The following ZNF446 variants were observed in gnomAD, a reference collection of about 807,000 sequenced individuals.
ZNF446 encodes the protein zinc finger protein with KRAB and SCAN domains 20.
A neutral mutation model predicts 34.0 loss-of-function variants in ZNF446; 42 were observed. That is an observed-to-expected ratio of 1.23 (90% CI 0.96 to 1.60). The LOEUF is 1.60. Among genes scored for constraint, ZNF446 ranks in the 40% most tolerant of loss-of-function variants. ZNF446 has a pLI of 0.00. For synonymous variants in ZNF446, 315 were observed against 251.0 expected (o/e 1.25, Z -2.41); for missense variants, 650 against 600.2 (o/e 1.08, Z -0.87).
rs1030737474 is a variant in ZNF446 at position 58,480,268 on chromosome 19, A to G, written c.895A>G (p.Thr299Ala). The G allele has an allele frequency of 1.3e-5, 21 of 1,577,554 alleles. No individual in the cohort carries two copies. The highest frequency in any genetic ancestry group is 1.6e-5 in the Non-Finnish European group (19 of 1,165,006). ...CTGGGAGGGCTTGTCTGGGGCTGCCACTCCTGCCCCCACTGTGCGCCCAGG... is the reference window on the plus strand; with the variant it reads ...CTGGGAGGGCTTGTCTGGGGCTGCCGCTCCTGCCCCCACTGTGCGCCCAGG... ...AAWEGLSGAA[T>A]PAPTVRPGTP... is the part of the protein sequence containing the mutation. Residue 299 changes from threonine to alanine, a missense_variant, in exon 7 of 7, where the codon ACT becomes GCT. Transcript: ENST00000594369. The surrounding 1 kb of genome is among the most constrained non-coding windows in gnomAD (Gnocchi z 7.2).
chr19:58,480,264 T>G lies in ZNF446; in HGVS notation c.891T>G (p.Ala297=). ...CAGCCTGGGAGGGCTTGTCTGGGGCTGCCACTCCTGCCCCCACTGTGCGCC... is the reference window on the plus strand; with the variant it reads ...CAGCCTGGGAGGGCTTGTCTGGGGCGGCCACTCCTGCCCCCACTGTGCGCC... ...GPAAWEGLSG[A]ATPAPTVRPG... is the part of the protein sequence containing the mutation. Residue 297 remains alanine, a synonymous_variant, in exon 7 of 7, where the codon GCT becomes GCG. Transcript: ENST00000594369. This position sits in a 1 kb window ranked among gnomAD's most constrained non-coding sequence, Gnocchi z 7.2. 1 of 1,577,978 alleles carries G rather than the reference T, an allele frequency of 6.3e-7. No homozygotes were observed. The highest frequency in any genetic ancestry group is 8.6e-7 in the Non-Finnish European group (1 of 1,165,276).
intron 1 of ZNF446, among the ~76,000 whole-genome samples, chr19:58,476,846 C>A (rs1256030380): frequency 3.3e-5 from 5 of 152,142 alleles, no homozygotes; most frequent in Non-Finnish European, 7.4e-5. Flanking sequence ...GGCTCCTCAG[C>A]CTGGCGCTGG....
In ZNF446 at chr19:58,478,146, C is replaced by G. The variant is rs775373065; in HGVS notation, c.592C>G (p.Pro198Ala). The G allele has an allele frequency of 4.3e-6, 7 of 1,613,968 alleles. No individual in the cohort carries two copies. The Admixed American group carries it at 8.3e-5, about 19-fold the overall frequency. The change falls in exon 4 of 7, where the codon CCA (proline) becomes GCA (alanine). Residue 198 changes from proline (P) to alanine (A), a missense_variant. Physicochemically the swap from Pro to Ala is conservative, Grantham distance 27. Coordinates refer to ENST00000594369, the MANE Select transcript of ZNF446 (RefSeq NM_017908.4). ...TGAGGGGAACCATGGACACCAAGAA[C>G]CAGCCTCCACATCCTTCCACCCACC... ...SPEGNHGHQE[P>A]ASTSFHPPRI...
At chr19:58,482,124 CT>C (rs2053144847), downstream of ZNF446, among the ~76,000 whole-genome samples, 1 of 152,164 alleles carries the variant, frequency 6.6e-6, no homozygotes, top group Admixed American at 6.5e-5. Context: ...ACTGGTTCCT[CT>C]TGAAGGCTCT....
chr19:58,479,290 T>C (rs1014616497), intron 4 of ZNF446, among the ~76,000 whole-genome samples: 5 of 152,088 alleles, frequency 3.3e-5, no homozygotes, highest in African/African-American at 1.2e-4. Flanking sequence ...GGATTATTTT[T>C]CCCAACCCAG....
chr19:58,482,196 T>C (rs990322216), downstream of ZNF446, among the ~76,000 whole-genome samples: 8 of 148,822 alleles, frequency 5.4e-5, no homozygotes, highest in African/African-American at 1.2e-4. Context: ...ACGTTCCCCC[T>C]TTTTTTTTTC....
downstream of ZNF446, among the ~76,000 whole-genome samples, chr19:58,484,142 G>A (rs114625744): frequency 4.6e-3 from 703 of 152,050 alleles, 11 homozygotes; most frequent in African/African-American, 0.016. Context: ...GCTAATACTA[G>A]AGTGTTGGCA....
At position 58,480,664 on chromosome 19, in the gene ZNF446, G is replaced by A. The variant is rs757566390; in HGVS notation, c.1291G>A (p.Ala431Thr). 39 of 1,610,794 alleles carry A rather than the reference G, an allele frequency of 2.4e-5. No homozygotes were observed. The highest frequency in any genetic ancestry group is 2.8e-5 in the Non-Finnish European group (33 of 1,179,638). Reference protein sequence around the residue: ...RRHFCSDCGRAFDWKSQLVIH... With the variant: ...RRHFCSDCGRTFDWKSQLVIH... ...TCACTTCTGCAGTGACTGTGGCCGC[G>A]CCTTCGACTGGAAGTCGCAGCTGGT... The change falls in exon 7 of 7, where the codon GCC (alanine) becomes ACC (threonine). Residue 431 changes from alanine (A) to threonine (T), a missense_variant. By Grantham distance (58) the Ala-to-Thr change is moderately conservative (BLOSUM62 0). Coordinates refer to ENST00000594369, the MANE Select transcript of ZNF446 (RefSeq NM_017908.4). This position sits in a 1 kb window ranked among gnomAD's most constrained non-coding sequence, Gnocchi z 7.2.
the ZNF446 span, among the ~76,000 whole-genome samples, chr19:58,486,896 G>A: frequency 2.6e-5 from 4 of 151,796 alleles, no homozygotes; most frequent in South Asian, 2.1e-4. Context: ...TCCGCCTCCT[G>A]GGTTCACGCC....
Position 58,477,565 on chromosome 19 carries a change from G to T in ZNF446, c.342+5G>T. 1 of 1,612,398 alleles carries T rather than the reference G, an allele frequency of 6.2e-7. No homozygotes were observed. The highest frequency in any genetic ancestry group is 1.3e-5 in the African/African-American group (1 of 75,052). On this transcript the variant is annotated splice_donor_5th_base_variant and intron_variant, in intron 2 of 6. Transcript: ENST00000594369. The stretch of plus-strand genomic sequence containing the variant: ...CCTGGGCAACTGTTGGGCTGGGTGA[G>T]TGTGGCTGGCATCAGCTTCTTGGAG...
Position 58,479,978 on chromosome 19 carries a change from T to G in ZNF446, c.761T>G (p.Met254Arg). The G allele has an allele frequency of 6.3e-7, 1 of 1,591,552 alleles. No individual in the cohort carries two copies. The highest frequency in any genetic ancestry group is 1.1e-5 in the South Asian group (1 of 87,766). The change falls in exon 6 of 7, where the codon ATG (methionine) becomes AGG (arginine). Residue 254 changes from methionine (M) to arginine (R), a missense_variant. Physicochemically the swap from Met to Arg is moderately conservative, Grantham distance 91 (BLOSUM62 -1). Transcript: ENST00000594369. The part of the protein sequence containing the change: ...PEAQAQSELG[M>R]LLTGTGVCRS... ...GCACAGGCCCAGTCAGAGCTGGGGA[T>G]GCTGCTCACGGGGACAGGCGTCTGC...
the ZNF446 span, among the ~76,000 whole-genome samples, chr19:58,486,963 C>A: frequency 6.6e-6 from 1 of 150,678 alleles, no homozygotes; most frequent in Non-Finnish European, 1.5e-5. Context: ...CCACCACACC[C>A]AGCTAATTTT....
chr19:58,488,614 G>C, the ZNF446 span, among the ~76,000 whole-genome samples: 1 of 151,510 alleles, frequency 6.6e-6, no homozygotes, highest in African/African-American at 2.4e-5. Flanking sequence ...CACTTTGGGA[G>C]GCCGAGGCAG....
chr19:58,489,253 A>T, the ZNF446 span, among the ~76,000 whole-genome samples: 1 of 152,112 alleles, frequency 6.6e-6, no homozygotes, highest in African/African-American at 2.4e-5. Context: ...ACCCTCCCTC[A>T]ACTGCTCCTA....
chr19:58,478,044 G>A (rs2053104668), intron 3 of ZNF446, 43 bp from the exon 4 acceptor site: 1 of 1,563,122 alleles, frequency 6.4e-7, no homozygotes, highest in Non-Finnish European at 8.7e-7. Flanking sequence ...TGGCTCATGT[G>A]GGCAGCCCCT....
In ZNF446 at chr19:58,480,271, C is replaced by A. The variant is rs36095067; in HGVS notation, c.898C>A (p.Pro300Thr). The A allele has an allele frequency of 2.5e-6, 4 of 1,578,646 alleles. No homozygotes were observed. Among genetic ancestry groups the A allele is most frequent in the South Asian group, 1.1e-5 (1 of 87,558 alleles). The change falls in exon 7 of 7, where the codon CCT becomes ACT. Residue 300 changes from proline to threonine, a missense_variant. Transcript: ENST00000594369. This position sits in a 1 kb window ranked among gnomAD's most constrained non-coding sequence, Gnocchi z 7.2. ...AWEGLSGAAT[P>T]APTVRPGTPP... ...GGAGGGCTTGTCTGGGGCTGCCACT[C>A]CTGCCCCCACTGTGCGCCCAGGGAC...
chr19:58,481,690 TAACA>T (rs1186460921), downstream of ZNF446, among the ~76,000 whole-genome samples: 2 of 152,224 alleles, frequency 1.3e-5, no homozygotes, highest in African/African-American at 4.8e-5. Flanking sequence ...GTTGCTGCTT[TAACA>T]AACTTGGCAG....
intron 5 of ZNF446, 25 bp downstream of exon 5, chr19:58,479,752 G>A (rs371544462): frequency 3.7e-5 from 55 of 1,476,764 alleles, no homozygotes; most frequent in East Asian, 1.2e-4. Context: ...GCCCCACCCC[G>A]CCCCTCTCCC....
Position 58,480,080 on chromosome 19 carries a change from C to T in ZNF446, c.802+61C>T. ...TCCTGTATCGGTGGGACCTGAGCCA[C>T]CCACTCATGGGGGGACGGGAGCTTG... is the stretch of plus-strand genomic sequence containing the variant. On this transcript the variant is annotated intron_variant, in intron 6 of 6. Transcript: ENST00000594369. The surrounding 1 kb of genome is among the most constrained non-coding windows in gnomAD (Gnocchi z 7.2). 1.3e-6 allele frequency: 2 copies of T among 1,560,214 alleles called. No individual in the cohort carries two copies. The highest frequency in any genetic ancestry group is 2.3e-5 in the South Asian group (2 of 86,426).
Sources: allele counts gnomAD v4.1 joint callset (sites outside exome capture counted in the v4.1 genomes callset), GRCh38; gene constraint gnomAD v4.1.1; non-coding constraint Gnocchi (gnomAD v3.1); transcripts MANE v1.5; gene names NCBI Gene and HGNC (gene_info 2026-07-23, HGNC 2026-07-21).